Variants in CRISPLD2 observed in about 807,000 individuals in gnomAD.
CRISPLD2 encodes the protein cysteine-rich secretory protein LCCL domain-containing 2.
In CRISPLD2, 47 loss-of-function variants were observed where a neutral mutation model predicts 71.1. The ratio of observed to expected loss-of-function variants is 0.66; its 90% CI spans 0.52 to 0.84. The LOEUF is 0.84. Among genes scored for constraint, CRISPLD2 ranks in the 40% least tolerant of loss-of-function variants. The probability of loss-of-function intolerance (pLI) is 0.00; values close to 1 mark genes in which losing one functional copy is unlikely to be tolerated. For missense variants in CRISPLD2, 830 were observed against 651.1 expected (o/e 1.27, Z -2.99); for synonymous variants, 317 against 250.1 (o/e 1.27, Z -2.52).
chr16:84,902,435 C>A (rs1292749862), intron 14 of CRISPLD2, among the ~76,000 whole-genome samples: 1 of 151,338 alleles, frequency 6.6e-6, no homozygotes. Context: ...AGGTGAAACC[C>A]CGTCTCTACT....
At position 84,880,551 on chromosome 16, in the gene CRISPLD2, G is replaced by T; in HGVS notation, c.1272G>T (p.Trp424Cys). 6.2e-7 allele frequency: 1 copy of T among 1,613,836 alleles called. No individual in the cohort carries two copies. The highest frequency in any genetic ancestry group is 1.1e-5 in the South Asian group (1 of 91,054). Reference protein sequence around the residue: ...PAHCKDEPSYWAPVFGTNIYA... With the variant: ...PAHCKDEPSYCAPVFGTNIYA... ...ACTGCAAAGACGAACCTTCCTACTG[G>T]GCTCCGGTGTTTGGAACCAACATCT... The change falls in exon 13 of 15, where the codon TGG becomes TGT. Residue 424 changes from tryptophan (W) to cysteine (C), a missense_variant. Physicochemically the swap from Trp to Cys is radical, Grantham distance 215. Transcript: ENST00000262424.
At chr16:84,861,479 A>T (rs1207437711) in intron 6 of CRISPLD2, among the ~76,000 whole-genome samples, 3 of 152,198 alleles carry the variant, frequency 2.0e-5, no homozygotes, top group Non-Finnish European at 4.4e-5. Flanking sequence ...GGAAGCATCC[A>T]GCATGGGACA....
At chr16:84,895,881 G>C (rs891410758) in intron 14 of CRISPLD2, among the ~76,000 whole-genome samples, 2 of 152,100 alleles carry the variant, frequency 1.3e-5, no homozygotes, top group African/African-American at 4.8e-5. Context: ...TGGGCACTTT[G>C]AGGAACCCAG....
chr16:84,878,223 C>A (rs891949763), intron 12 of CRISPLD2, among the ~76,000 whole-genome samples: 21 of 151,312 alleles, frequency 1.4e-4, no homozygotes, highest in South Asian at 4.2e-4. Flanking sequence ...GACTCCGTCT[C>A]AAAAAAAGAA....
rs2071828903 is a variant in CRISPLD2, at chr16:84,908,923, A to T, written c.*2281A>T. 6.6e-6 allele frequency: 1 copy of T among 151,754 alleles called. No individual in the cohort carries two copies. Among genetic ancestry groups the T allele is most frequent in the Non-Finnish European group, 1.5e-5 (1 of 67,970 alleles). 9.4% of individuals were successfully genotyped at this position (151,754 alleles called of 1,614,324 possible). ...AGGCTGGTCTCGAACTCCTTACCTCAGGTGATCCACCCACCTTGGCCTCCC... is the reference window on the plus strand; with the variant it reads ...AGGCTGGTCTCGAACTCCTTACCTCTGGTGATCCACCCACCTTGGCCTCCC... On this transcript the variant is annotated 3_prime_UTR_variant, in exon 15 of 15. Coordinates refer to ENST00000262424, the MANE Select transcript of CRISPLD2 (RefSeq NM_031476.4).
intron 8 of CRISPLD2, among the ~76,000 whole-genome samples, 194 bp downstream of exon 8, chr16:84,869,105 A>G (rs184086750): frequency 2.4e-3 from 362 of 152,308 alleles, no homozygotes; most frequent in African/African-American, 8.2e-3. Flanking sequence ...GGCAGATCCT[A>G]TGGGAATGCT....
At chr16:84,890,156 A>C (rs928824619) in intron 14 of CRISPLD2, among the ~76,000 whole-genome samples, 2 of 151,882 alleles carry the variant, frequency 1.3e-5, no homozygotes, top group Non-Finnish European at 2.9e-5. Flanking sequence ...CAGGAGATCG[A>C]GACCATCCTG....
intron 1 of CRISPLD2, among the ~76,000 whole-genome samples, chr16:84,831,582 T>C (rs924259733): frequency 1.3e-5 from 2 of 151,794 alleles, no homozygotes; most frequent in Non-Finnish European, 2.9e-5. Context: ...TTATTATTAT[T>C]TTTAGTAGAG....
At chr16:84,852,941 C>A (rs1917130064) in intron 5 of CRISPLD2, among the ~76,000 whole-genome samples, 1 of 152,138 alleles carries the variant, frequency 6.6e-6, no homozygotes, top group African/African-American at 2.4e-5. Context: ...GTGGTGCATG[C>A]CTGTATTCCC....
intron 13 of CRISPLD2, among the ~76,000 whole-genome samples, chr16:84,882,831 A>C (rs1201063055): frequency 6.6e-6 from 1 of 152,224 alleles, no homozygotes; most frequent in Non-Finnish European, 1.5e-5. Flanking sequence ...GTCCAAATCC[A>C]CACAGTGAGC....
intron 1 of CRISPLD2, among the ~76,000 whole-genome samples, chr16:84,836,727 C>G (rs1226058328): frequency 1.3e-5 from 2 of 152,146 alleles, no homozygotes. Context: ...ATCTCCCCAC[C>G]CCGGCCCCAC....
intron 14 of CRISPLD2, among the ~76,000 whole-genome samples, chr16:84,895,544 C>G (rs973761248): frequency 6.6e-6 from 1 of 152,286 alleles, no homozygotes; most frequent in East Asian, 1.9e-4. Context: ...GCACATAAAA[C>G]TCACATACAA....
At chr16:84,868,975 C>A in intron 8 of CRISPLD2, 64 bp downstream of exon 8, 1 of 1,405,568 alleles carries the variant, frequency 7.1e-7, no homozygotes, top group Non-Finnish European at 9.8e-7. Context: ...TGTCCTACCA[C>A]TGTGGCCTCT....
At chr16:84,904,237 A>G (rs1227906353) in intron 14 of CRISPLD2, among the ~76,000 whole-genome samples, 1 of 152,178 alleles carries the variant, frequency 6.6e-6, no homozygotes, top group Non-Finnish European at 1.5e-5. Flanking sequence ...CATCCTATAC[A>G]GCGACAGTGA....
At chr16:84,892,596 G>A (rs906266017) in intron 14 of CRISPLD2, among the ~76,000 whole-genome samples, 8 of 152,088 alleles carry the variant, frequency 5.3e-5, no homozygotes, top group Non-Finnish European at 1.0e-4. Context: ...GGCTTATCCT[G>A]AGCCCGTTTG....
intron 14 of CRISPLD2, among the ~76,000 whole-genome samples, chr16:84,897,095 G>A: frequency 6.6e-6 from 1 of 152,208 alleles, no homozygotes; most frequent in Middle Eastern, 3.2e-3. Context: ...CGTGCTTCTG[G>A]GGAGCTCTTC....
intron 13 of CRISPLD2, among the ~76,000 whole-genome samples, chr16:84,888,107 C>T (rs2071628850): frequency 6.6e-6 from 1 of 152,204 alleles, no homozygotes; most frequent in South Asian, 2.1e-4. Context: ...GTGGGTGTCA[C>T]CAGGCTAAAA....
At chr16:84,833,539 G>A (rs1916538857) in intron 1 of CRISPLD2, among the ~76,000 whole-genome samples, 1 of 152,180 alleles carries the variant, frequency 6.6e-6, no homozygotes, top group African/African-American at 2.4e-5. Context: ...GGGTAGAAGA[G>A]CAGAGTTAGA....
rs994009914 is a variant in CRISPLD2, at chr16:84,907,238, C to T, written c.*596C>T. ...ATGAGAGACCCCGGCTCCGCCCTGGCACGTGTCCTTGCTGGCGGCCCGCCA... is the reference window on the plus strand; with the variant it reads ...ATGAGAGACCCCGGCTCCGCCCTGGTACGTGTCCTTGCTGGCGGCCCGCCA... On this transcript the variant is annotated 3_prime_UTR_variant, in exon 15 of 15. Coordinates refer to ENST00000262424, the MANE Select transcript of CRISPLD2 (RefSeq NM_031476.4). The T allele has an allele frequency of 6.2e-6, 1 of 162,174 alleles. No homozygotes were observed. The highest frequency in any genetic ancestry group is 6.1e-5 in the Admixed American group (1 of 16,292). 10.0% of individuals were successfully genotyped at this position (162,174 alleles called of 1,614,324 possible). A position where few individuals can be genotyped will look rare whatever the true frequency, so the allele number is the denominator to read the frequency against.
Sources: gnomAD v4.1 joint callset for allele counts (sites outside exome capture counted in the v4.1 genomes callset) on GRCh38, gnomAD v4.1.1 for gene constraint, MANE v1.5 for transcripts, NCBI Gene and HGNC (gene_info 2026-07-23, HGNC 2026-07-21) for gene names.